Variants in RARA observed in about 807,000 individuals in gnomAD.
RARA encodes the protein PML-DDX5-RARA fusion.
RARA carries 5 observed loss-of-function variants against 42.8 expected under a neutral mutation model. The observed-to-expected ratio is 0.12, with a 90% CI of 0.06 to 0.25. The LOEUF (loss-of-function observed/expected upper bound fraction) is 0.25, where lower values mean the gene tolerates loss of function less well. RARA is among the 10% of genes least tolerant of loss of function. The pLI is 1.00. For missense variants in RARA, 402 were observed against 628.7 expected, an observed-to-expected ratio of 0.64 and a Z score of 3.86; for synonymous variants, 256 against 259.5, an observed-to-expected ratio of 0.99 and a Z score of 0.13.
chr17:40,314,799 C>T (rs1227847212), intron 1 of RARA, among the ~76,000 whole-genome samples: 1 of 151,614 alleles, frequency 6.6e-6, no homozygotes, highest in Non-Finnish European at 1.5e-5. Flanking sequence ...AGTCACTGCC[C>T]TGGCATCTCC....
intron 2 of RARA, chr17:40,342,499 C>T (rs2034097684): frequency 2.3e-6 from 3 of 1,320,278 alleles, no homozygotes; most frequent in African/African-American, 1.5e-5. Flanking sequence ...CACAACTTCC[C>T]TGCTTTTCAC....
chr17:40,337,367 G>C (rs886612530), intron 2 of RARA, among the ~76,000 whole-genome samples: 2 of 152,210 alleles, frequency 1.3e-5, no homozygotes, highest in African/African-American at 4.8e-5. Flanking sequence ...TCCCCGGTAG[G>C]GGGTGTAGGG....
At chr17:40,349,946 G>C in intron 4 of RARA, 21 bp downstream of exon 4, 1 of 1,611,474 alleles carries the variant, frequency 6.2e-7, no homozygotes, top group Admixed American at 1.7e-5. Flanking sequence ...TAGGGCAGGG[G>C]CCGAGTCCCG....
At position 40,355,813 on chromosome 17, in the gene RARA, C is replaced by T. The variant is rs1435653991; in HGVS notation, c.1172-196C>T. On this transcript the variant is annotated intron_variant, in intron 8 of 8. Coordinates refer to ENST00000254066, the MANE Select transcript of RARA (RefSeq NM_000964.4). The surrounding 1 kb of genome is among the most constrained non-coding windows in gnomAD (Gnocchi z 4.1). ...GCAGTCTGGCCCTGGAGCCGGAGTT[C>T]GGGACCACTTTGCCCCATTGCCACC... is the stretch of plus-strand genomic sequence containing the variant. Among the ~76,000 whole-genome samples the T allele has an allele frequency of 6.6e-6, 1 of 152,226 alleles. No homozygotes were observed. Among genetic ancestry groups the T allele is most frequent in the East Asian group, 1.9e-4 (1 of 5,200 alleles).
chr17:40,329,310 GTT>G (rs113191545), intron 1 of RARA, among the ~76,000 whole-genome samples: 7 of 141,984 alleles, frequency 4.9e-5, no homozygotes, highest in Admixed American at 7.0e-5. Flanking sequence ...TTGTGTGTGT[GTT>G]TTTTTTTTTT....
intron 1 of RARA, among the ~76,000 whole-genome samples, chr17:40,313,068 G>A (rs1203073612): frequency 6.6e-6 from 1 of 152,202 alleles, no homozygotes; most frequent in Non-Finnish European, 1.5e-5. Flanking sequence ...AGGCTAGAAG[G>A]AGGTCAGAGT....
chr17:40,356,018 G>T lies in RARA; in HGVS notation c.1181G>T (p.Arg394Leu), dbSNP rs866777491. 1 of 1,601,300 alleles carries T rather than the reference G, an allele frequency of 6.2e-7. No individual in the cohort carries two copies. Residue 394 changes from arginine to leucine, a missense_variant, in exon 9 of 9, where the codon CGG (arginine) becomes CTG (leucine). Around this residue, in one of 5 missense-constraint regions of RARA, gnomAD observed 104 missense variants for 160.1 expected, o/e 0.65. Coordinates refer to ENST00000254066, the MANE Select transcript of RARA (RefSeq NM_000964.4). ...CCCTCCTTTCCTGCAGGGGCTGAGC[G>T]GGTGATCACGCTGAAGATGGAGATC... ...LRSISAKGAE[R>L]VITLKMEIPG...
chr17:40,319,641 A>T (rs2033316966), intron 1 of RARA, among the ~76,000 whole-genome samples: 1 of 150,308 alleles, frequency 6.7e-6, no homozygotes, highest in African/African-American at 2.5e-5. Context: ...CTCTGGTTGC[A>T]GTCTTCATAG....
chr17:40,352,534 G>A lies in RARA; in HGVS notation c.807+27G>A. ...TGAGGGTCTGCACCCTGGCCCCCAG[G>A]CACTGCCCCTGTGTCCTGGGTAGAT... On this transcript the variant is annotated intron_variant, in intron 6 of 8. Transcript: ENST00000254066. This position sits in a 1 kb window ranked among gnomAD's most constrained non-coding sequence, Gnocchi z 4.9. The A allele has an allele frequency of 6.4e-7, 1 of 1,555,412 alleles. No individual in the cohort carries two copies. The highest frequency in any genetic ancestry group is 1.2e-5 in the South Asian group (1 of 84,310).
chr17:40,355,357 C>T lies in RARA; in HGVS notation c.1107C>T (p.Ser369=), dbSNP rs2143539960. The change falls in exon 8 of 9, where the codon AGC becomes AGT. Residue 369 remains serine, a synonymous_variant. Transcript: ENST00000254066. This position sits in a 1 kb window ranked among gnomAD's most constrained non-coding sequence, Gnocchi z 4.1. The part of the protein sequence containing the change: ...LKVYVRKRRP[S]RPHMFPKMLM... Reference sequence around the variant, plus strand: ...TCTACGTGCGGAAGCGGAGGCCCAGCCGCCCCCACATGTTCCCCAAGATGC... The same window carrying T: ...TCTACGTGCGGAAGCGGAGGCCCAGTCGCCCCCACATGTTCCCCAAGATGC... 1 of 1,613,584 alleles carries T rather than the reference C, an allele frequency of 6.2e-7. No individual in the cohort carries two copies. Among genetic ancestry groups the T allele is most frequent in the Non-Finnish European group, 8.5e-7 (1 of 1,179,830 alleles).
chr17:40,356,332 G>A lies in RARA; in HGVS notation c.*106G>A, dbSNP rs902493348. On this transcript the variant is annotated 3_prime_UTR_variant, in exon 9 of 9. Coordinates refer to ENST00000254066, the MANE Select transcript of RARA (RefSeq NM_000964.4). ...CAGCCCTGCCCCCACCTGCCCTCCC[G>A]GGCAGTACTGGGGACCTTCCCTGGG... 2.0e-5 allele frequency: 25 copies of A among 1,235,474 alleles called. No homozygotes were observed. Among genetic ancestry groups the A allele is most frequent in the South Asian group, 5.1e-5 (4 of 78,018 alleles). The allele number at this position is 1,235,474 out of a possible 1,614,324, so 76.5% of individuals were successfully genotyped here.
rs569670342 is a variant in RARA at position 40,321,139 on chromosome 17, C to T, written c.-362-9718C>T. On this transcript the variant is annotated intron_variant, in intron 1 of 8. Transcript: ENST00000254066. ...GCAGGGCCTGGATCTCCGTGTGTGT[C>T]CAGGGAGTATTCTGGGAATTGGCAG... Among the ~76,000 whole-genome samples, 217 of 151,782 alleles carry T rather than the reference C, an allele frequency of 1.4e-3. 1 individual carries two copies. Among genetic ancestry groups the T allele is most frequent in the African/African-American group, 5.1e-3 (212 of 41,374 alleles).
Position 40,351,907 on chromosome 17 carries a change from C to T in RARA, c.470-3C>T. ...CCCTCTTAACCCCCTCTGCCCTCCA[C>T]AGCTGTGAGAAACGACCGAAACAAG... is the stretch of plus-strand genomic sequence containing the variant. On this transcript the variant is annotated splice_polypyrimidine_tract_variant and splice_region_variant and intron_variant, in intron 4 of 8. Transcript: ENST00000254066. This position sits in a 1 kb window ranked among gnomAD's most constrained non-coding sequence, Gnocchi z 4.1. 1 of 1,611,732 alleles carries T rather than the reference C, an allele frequency of 6.2e-7. No homozygotes were observed. The highest frequency in any genetic ancestry group is 8.5e-7 in the Non-Finnish European group (1 of 1,179,320).
At chr17:40,317,159 C>G (rs1467232852) in intron 1 of RARA, among the ~76,000 whole-genome samples, 1 of 152,234 alleles carries the variant, frequency 6.6e-6, no homozygotes, top group Admixed American at 6.5e-5. Flanking sequence ...GCTCTGCCAC[C>G]GGGTCAGGCT....
At chr17:40,313,517 A>G (rs964415290) in intron 1 of RARA, among the ~76,000 whole-genome samples, 2 of 152,082 alleles carry the variant, frequency 1.3e-5, no homozygotes, top group Non-Finnish European at 2.9e-5. Flanking sequence ...GAACCATTCC[A>G]TAGACTATGA....
At chr17:40,341,460 C>A in intron 2 of RARA, 1 of 1,518,216 alleles carries the variant, frequency 6.6e-7, no homozygotes, top group Non-Finnish European at 8.8e-7. Flanking sequence ...CAATGTCACA[C>A]CCGGGTGCCA....
At position 40,320,291 on chromosome 17, in the gene RARA, A is replaced by G. The variant is rs535941886; in HGVS notation, c.-362-10566A>G. Among the ~76,000 whole-genome samples the G allele has an allele frequency of 1.3e-5, 2 of 152,086 alleles. No homozygotes were observed. The highest frequency in any genetic ancestry group is 2.1e-4 in the South Asian group (1 of 4,808). The stretch of plus-strand genomic sequence containing the variant: ...AATGCACCGGCTGCCACCCTGGGAC[A>G]CCTTTTTAGTCCCCTTCCTACTCCC... On this transcript the variant is annotated intron_variant, in intron 1 of 8. Coordinates refer to ENST00000254066, the MANE Select transcript of RARA (RefSeq NM_000964.4). This position sits in a 1 kb window ranked among gnomAD's most constrained non-coding sequence, Gnocchi z 4.1.
intron 2 of RARA, among the ~76,000 whole-genome samples, chr17:40,332,574 G>T (rs1047150444): frequency 6.6e-6 from 1 of 152,168 alleles, no homozygotes; most frequent in African/African-American, 2.4e-5. Flanking sequence ...CTCACTGCCC[G>T]CACTGGCTGG....
chr17:40,328,379 G>A (rs188662040), intron 1 of RARA, among the ~76,000 whole-genome samples: 1 of 152,252 alleles, frequency 6.6e-6, no homozygotes, highest in East Asian at 1.9e-4. Context: ...TTGAGTCTCT[G>A]TGGCCCTGTT....
Sources: allele counts gnomAD v4.1 joint callset (sites outside exome capture counted in the v4.1 genomes callset), GRCh38; gene constraint gnomAD v4.1.1; regional missense constraint gnomAD v4.1.1; non-coding constraint Gnocchi (gnomAD v3.1); transcripts MANE v1.5; gene names NCBI Gene and HGNC (gene_info 2026-07-23, HGNC 2026-07-21).